RNF38: variants seen among roughly 807,000 people sequenced by gnomAD.
RNF38 encodes the protein ring finger protein 38.
Under a neutral mutation model 67.2 loss-of-function variants are expected in RNF38, and 15 were observed. The observed-to-expected ratio is 0.22, with a 90% CI of 0.15 to 0.34. The LOEUF is 0.34. RNF38 is among the 10% of genes least tolerant of loss of function. RNF38 has a pLI of 1.00. For synonymous variants in RNF38, 220 were observed against 218.8 expected, an observed-to-expected ratio of 1.01 and a Z score of -0.05; for missense variants, 524 against 639.9, an observed-to-expected ratio of 0.82 and a Z score of 1.95.
chr9:36,439,692 C>G (rs1194036569), intron 1 of RNF38, among the ~76,000 whole-genome samples: 5 of 149,740 alleles, frequency 3.3e-5, no homozygotes, highest in Non-Finnish European at 7.4e-5. Flanking sequence ...TTAGTCCCAG[C>G]TACTAGAGAA....
intron 1 of RNF38, among the ~76,000 whole-genome samples, chr9:36,463,491 T>C (rs895738427): frequency 6.6e-6 from 1 of 152,170 alleles, no homozygotes; most frequent in Non-Finnish European, 1.5e-5. Context: ...AATTATGCCA[T>C]TCTGCTGGGT....
chr9:36,373,983 G>A (rs571242397), intron 3 of RNF38, among the ~76,000 whole-genome samples: 2 of 152,194 alleles, frequency 1.3e-5, no homozygotes, highest in South Asian at 4.2e-4. Context: ...GAGCCACTGC[G>A]CCCGGCCTGC....
chr9:36,361,538 A>C (rs72731449), intron 4 of RNF38, among the ~76,000 whole-genome samples: 1 of 152,158 alleles, frequency 6.6e-6, no homozygotes, highest in Non-Finnish European at 1.5e-5. Flanking sequence ...GTCACTTATA[A>C]ATTTTATATA....
intron 1 of RNF38, among the ~76,000 whole-genome samples, chr9:36,468,920 T>C (rs1222177719): frequency 2.0e-5 from 3 of 151,966 alleles, no homozygotes; most frequent in Non-Finnish European, 4.4e-5. Flanking sequence ...AAGACCAGCC[T>C]GACCAATACG....
Position 36,339,858 on chromosome 9 carries a change from A to G in RNF38, c.1486-44T>C, listed in dbSNP as rs202022976. On this transcript the variant is annotated intron_variant, in intron 11 of 11. Transcript: ENST00000259605. ...AACTTGTTTAAATTGTGACACATAC[A>G]ATGAAACACATTCAAAGCAATGGAA... is the stretch of plus-strand genomic sequence containing the variant. The G allele has an allele frequency of 5.8e-4, 844 of 1,444,708 alleles. 1 individual carries two copies. Among genetic ancestry groups the G allele is most frequent in the Admixed American group, 1.0e-3 (57 of 56,798 alleles). The allele number at this position is 1,444,708 out of a possible 1,614,324, so 89.5% of individuals were successfully genotyped here.
chr9:36,398,470 A>G (rs1332026005), intron 1 of RNF38, among the ~76,000 whole-genome samples: 1 of 152,232 alleles, frequency 6.6e-6, no homozygotes, highest in East Asian at 1.9e-4. Flanking sequence ...GACTGTGTAC[A>G]TGACCCCTCT....
At chr9:36,393,646 G>A (rs550076771) in intron 1 of RNF38, among the ~76,000 whole-genome samples, 1 of 152,044 alleles carries the variant, frequency 6.6e-6, no homozygotes, top group South Asian at 2.1e-4. Context: ...CCATTATTAG[G>A]TTAAATCATA....
chr9:36,391,757 G>T (rs910788038), intron 1 of RNF38, among the ~76,000 whole-genome samples: 4 of 151,872 alleles, frequency 2.6e-5, no homozygotes, highest in East Asian at 1.9e-4. Flanking sequence ...GGGACTACAG[G>T]CGCCCGCCAC....
chr9:36,466,491 C>T (rs1015072444), intron 1 of RNF38, among the ~76,000 whole-genome samples: 1 of 152,126 alleles, frequency 6.6e-6, no homozygotes, highest in South Asian at 2.1e-4. Flanking sequence ...TATTTCTTGA[C>T]CTGCTTGGTA....
At chr9:36,356,254 A>T in intron 6 of RNF38, 49 bp downstream of exon 6, 2 of 1,581,908 alleles carry the variant, frequency 1.3e-6, no homozygotes, top group Non-Finnish European at 1.7e-6. Flanking sequence ...GAAAAAATTA[A>T]AAATTAGTTA....
At chr9:36,431,333 G>A (rs1838929862) in intron 1 of RNF38, among the ~76,000 whole-genome samples, 1 of 152,044 alleles carries the variant, frequency 6.6e-6, no homozygotes, top group African/African-American at 2.4e-5. Context: ...GCACAAACCT[G>A]TATAGCACGT....
intron 1 of RNF38, among the ~76,000 whole-genome samples, chr9:36,482,817 A>G (rs986270863): frequency 1.3e-5 from 2 of 152,214 alleles, no homozygotes; most frequent in African/African-American, 2.4e-5. Context: ...TAGGGCAAGC[A>G]CTAACCCAGA....
At chr9:36,480,916 C>T (rs974257963) in intron 1 of RNF38, among the ~76,000 whole-genome samples, 5 of 151,982 alleles carry the variant, frequency 3.3e-5, no homozygotes, top group African/African-American at 1.2e-4. Flanking sequence ...GTCAAAGGAT[C>T]AGTATATACA....
chr9:36,417,636 G>A lies in RNF38; in HGVS notation n.312+6977C>T, dbSNP rs181200960. On this transcript the variant is annotated intron_variant and non_coding_transcript_variant, in intron 2 of 3. Transcript: ENST00000488058. ...AGAGATTCTCCTGCCTCAACCTTCC[G>A]AGTAGCTGGGATTACAGGCGTGCAC... Among the ~76,000 whole-genome samples, 18 of 152,106 alleles carry A rather than the reference G, an allele frequency of 1.2e-4. No homozygotes were observed. In the East Asian group the frequency reaches 1.9e-3, roughly 16 times the overall value.
At chr9:36,355,693 G>A (rs1023435722) in intron 6 of RNF38, among the ~76,000 whole-genome samples, 4 of 152,148 alleles carry the variant, frequency 2.6e-5, no homozygotes, top group Non-Finnish European at 5.9e-5. Context: ...CTGAAGGACT[G>A]CAGATGTAAT....
intron 1 of RNF38, among the ~76,000 whole-genome samples, chr9:36,453,331 C>CA (rs1433637549): frequency 6.6e-6 from 1 of 151,966 alleles, no homozygotes; most frequent in African/African-American, 2.4e-5. Context: ...CTTGCTGCCT[C>CA]AGCTTCTCCA....
chr9:36,451,149 C>CGGCTT (rs1183136199), intron 1 of RNF38, among the ~76,000 whole-genome samples: 1 of 151,892 alleles, frequency 6.6e-6, no homozygotes, highest in Non-Finnish European at 1.5e-5. Flanking sequence ...AACAAACAAG[C>CGGCTT]GGCTTTCTTC....
intron 4 of RNF38, among the ~76,000 whole-genome samples, chr9:36,364,511 T>C (rs1175074003): frequency 6.6e-6 from 1 of 152,202 alleles, no homozygotes; most frequent in East Asian, 1.9e-4. Context: ...GAGACCACTG[T>C]TGTATATGTG....
intron 1 of RNF38, among the ~76,000 whole-genome samples, chr9:36,462,834 C>G (rs1044505410): frequency 6.6e-6 from 1 of 152,048 alleles, no homozygotes. Flanking sequence ...ACCACCACAC[C>G]TGGCTAATAT....
Sources: gnomAD v4.1 joint callset for allele counts (sites outside exome capture counted in the v4.1 genomes callset) on GRCh38, gnomAD v4.1.1 for gene constraint, MANE v1.5 for transcripts, NCBI Gene and HGNC (gene_info 2026-07-23, HGNC 2026-07-21) for gene names.